MYO3A: variants seen among roughly 807,000 people sequenced by gnomAD.
MYO3A encodes myosin IIIA.
In MYO3A, 180 loss-of-function variants were observed where a neutral mutation model predicts 192.7. The ratio of observed to expected loss-of-function variants is 0.93; its 90% CI spans 0.83 to 1.06. The LOEUF (loss-of-function observed/expected upper bound fraction) is 1.06. Among genes scored for constraint, MYO3A ranks in the 50% least tolerant of loss-of-function variants. The probability of loss-of-function intolerance (pLI) is 0.00; values close to 1 mark genes in which losing one functional copy is unlikely to be tolerated. For synonymous variants in MYO3A, 628 were observed against 645.3 expected (o/e 0.97, Z 0.41); for missense variants, 1,896 against 1,905.0 (o/e 1.00, Z 0.09).
rs1840293766 is a variant in MYO3A, at chr10:26,143,617, A to G, written c.2416+16A>G. The G allele has an allele frequency of 6.2e-7, 1 of 1,613,470 alleles. No homozygotes were observed. The highest frequency in any genetic ancestry group is 2.2e-5 in the East Asian group (1 of 44,832). On this transcript the variant is annotated intron_variant, in intron 21 of 34. Coordinates refer to ENST00000642920, the MANE Select transcript of MYO3A (RefSeq NM_017433.5). ...ACTCTTGTAGGTGAGTTTTCAGTCC[A>G]GTGTGTCTGCATGGTTTTATGAATA...
intron 10 of MYO3A, among the ~76,000 whole-genome samples, chr10:26,062,530 A>AAAAAAAAAAAAAAAACC (rs1554816581): frequency 7.9e-6 from 1 of 125,946 alleles, no homozygotes; most frequent in African/African-American, 2.9e-5. Context: ...AAAAAAAAAA[A>AAAAAAAAAAAAAAAACC]AAATTATGGA....
chr10:26,167,619 T>C (rs977825705), intron 27 of MYO3A, among the ~76,000 whole-genome samples: 2 of 152,226 alleles, frequency 1.3e-5, no homozygotes, highest in African/African-American at 2.4e-5. Flanking sequence ...GGATAGAAAG[T>C]ATTAATATAG....
chr10:26,143,059 G>C (rs548956130), intron 20 of MYO3A, among the ~76,000 whole-genome samples: 1 of 152,114 alleles, frequency 6.6e-6, no homozygotes, highest in African/African-American at 2.4e-5. Context: ...GGCCGGGCGC[G>C]GTGGCTCATG....
chr10:26,004,334 C>T (rs1280839039), intron 6 of MYO3A, among the ~76,000 whole-genome samples: 2 of 151,792 alleles, frequency 1.3e-5, no homozygotes, highest in South Asian at 2.1e-4. Context: ...GGACAACGGG[C>T]GGCAGGTTTC....
intron 6 of MYO3A, among the ~76,000 whole-genome samples, chr10:26,005,502 C>T (rs1445317701): frequency 6.6e-6 from 1 of 152,022 alleles, no homozygotes; most frequent in African/African-American, 2.4e-5. Context: ...AGAAGTGTAT[C>T]AGCATTAAAA....
chr10:26,059,537 G>A (rs1234592910), intron 10 of MYO3A, among the ~76,000 whole-genome samples: 1 of 152,164 alleles, frequency 6.6e-6, no homozygotes, highest in Non-Finnish European at 1.5e-5. Context: ...CTCTTCCTCA[G>A]GTTACTGGAA....
At chr10:26,136,472 C>T (rs79664328) in intron 20 of MYO3A, among the ~76,000 whole-genome samples, 9,299 of 152,216 alleles carry the variant, frequency 0.061, 370 homozygotes, top group Non-Finnish European at 0.089. Context: ...AAAGATGTCA[C>T]GAGCCAAAGT....
chr10:26,199,739 T>C (rs1843594399), intron 32 of MYO3A, among the ~76,000 whole-genome samples: 1 of 152,044 alleles, frequency 6.6e-6, no homozygotes, highest in Non-Finnish European at 1.5e-5. Flanking sequence ...GCCTGAGAAT[T>C]CAAGGGCAGA....
intron 20 of MYO3A, among the ~76,000 whole-genome samples, chr10:26,141,507 G>A (rs1490263897): frequency 2.6e-5 from 4 of 152,080 alleles, no homozygotes; most frequent in Non-Finnish European, 5.9e-5. Flanking sequence ...TGTGTAACCC[G>A]CCACAAAAAC....
chr10:26,029,661 A>T (rs1013519269), intron 10 of MYO3A, among the ~76,000 whole-genome samples: 1 of 151,758 alleles, frequency 6.6e-6, no homozygotes, highest in African/African-American at 2.4e-5. Context: ...CTGACTTTTT[A>T]TGTCTGGCTA....
At chr10:26,152,839 C>T (rs1037934393) in intron 23 of MYO3A, among the ~76,000 whole-genome samples, 3 of 152,142 alleles carry the variant, frequency 2.0e-5, no homozygotes, top group Non-Finnish European at 4.4e-5. Context: ...TCAGCCCCTC[C>T]CCTGGAGTTC....
intron 10 of MYO3A, among the ~76,000 whole-genome samples, chr10:26,048,467 A>C (rs1003449964): frequency 3.9e-5 from 6 of 152,280 alleles, no homozygotes; most frequent in Middle Eastern, 3.4e-3. Context: ...CAGTCTTGGA[A>C]CTAGAAATTG....
At chr10:26,142,799 T>G (rs925602040) in intron 20 of MYO3A, among the ~76,000 whole-genome samples, 3 of 152,144 alleles carry the variant, frequency 2.0e-5, no homozygotes, top group Non-Finnish European at 4.4e-5. Context: ...GCTTGAGAGA[T>G]TCAGTGGGGA....
At position 26,127,070 on chromosome 10, in the gene MYO3A, G is replaced by C. The variant is rs865882821; in HGVS notation, c.2115-1321G>C. ...TTCCCTCCTCAACTGTTAAATAGGGGCATTGAATGACAAGTCAGTGGTCTT... is the reference window on the plus strand; with the variant it reads ...TTCCCTCCTCAACTGTTAAATAGGGCCATTGAATGACAAGTCAGTGGTCTT... On this transcript the variant is annotated intron_variant, in intron 19 of 34. Coordinates refer to ENST00000642920, the MANE Select transcript of MYO3A (RefSeq NM_017433.5). Among the ~76,000 whole-genome samples the C allele has an allele frequency of 3.9e-5, 6 of 152,226 alleles. No individual in the cohort carries two copies. In the Middle Eastern group the frequency reaches 0.01, roughly 259 times the overall value.
chr10:26,202,288 A>C (rs1843712427), intron 33 of MYO3A, among the ~76,000 whole-genome samples: 1 of 152,160 alleles, frequency 6.6e-6, no homozygotes, highest in African/African-American at 2.4e-5. Flanking sequence ...TAATTTGAAA[A>C]GTGTGTTTTC....
chr10:26,073,301 G>A (rs1316127975), intron 14 of MYO3A, among the ~76,000 whole-genome samples: 1 of 152,152 alleles, frequency 6.6e-6, no homozygotes, highest in South Asian at 2.1e-4. Context: ...GCCGGGAGTG[G>A]TGGCTCATGC....
At chr10:26,063,062 G>A (rs1185549259) in intron 10 of MYO3A, among the ~76,000 whole-genome samples, 1 of 152,140 alleles carries the variant, frequency 6.6e-6, no homozygotes, top group African/African-American at 2.4e-5. Flanking sequence ...CTGCGGAGGG[G>A]TAAATAATTA....
At chr10:26,034,100 G>A (rs1842922964) in intron 10 of MYO3A, among the ~76,000 whole-genome samples, 1 of 152,190 alleles carries the variant, frequency 6.6e-6, no homozygotes, top group Admixed American at 6.5e-5. Flanking sequence ...GTTCTAAAAG[G>A]TAAATTATGG....
At chr10:26,001,857 T>C (rs1263998942) in intron 6 of MYO3A, among the ~76,000 whole-genome samples, 1 of 152,124 alleles carries the variant, frequency 6.6e-6, no homozygotes, top group Non-Finnish European at 1.5e-5. Flanking sequence ...CTTGGTCACA[T>C]GTACCTGTAA....
Sources: gnomAD v4.1 joint callset for allele counts (sites outside exome capture counted in the v4.1 genomes callset) on GRCh38, gnomAD v4.1.1 for gene constraint, MANE v1.5 for transcripts, NCBI Gene and HGNC (gene_info 2026-07-23, HGNC 2026-07-21) for gene names.